Variants in SPOCK3 observed in about 807,000 individuals in gnomAD.
SPOCK3 encodes the protein testican-3.
A neutral mutation model predicts 56.6 loss-of-function variants in SPOCK3; 30 were observed. That is an observed-to-expected ratio of 0.53 (90% CI 0.40 to 0.72). SPOCK3 has a LOEUF of 0.72. Among genes scored for constraint, SPOCK3 ranks in the 30% least tolerant of loss-of-function variants. The pLI, the probability that SPOCK3 is intolerant of heterozygous loss-of-function variation, is 0.00. For missense variants in SPOCK3, 527 were observed against 530.0 expected, an observed-to-expected ratio of 0.99 and a Z score of 0.06; for synonymous variants, 196 against 183.3, an observed-to-expected ratio of 1.07 and a Z score of -0.56.
intron 4 of SPOCK3, among the ~76,000 whole-genome samples, chr4:166,930,309 T>C (rs183757783): frequency 6.6e-6 from 1 of 152,312 alleles, no homozygotes; most frequent in Non-Finnish European, 1.5e-5. Context: ...AATACATGTT[T>C]ACATATATAA....
chr4:166,749,863 A>G (rs11937180), intron 8 of SPOCK3, among the ~76,000 whole-genome samples: 120,062 of 151,968 alleles, frequency 0.79, 47,687 homozygotes, highest in South Asian at 0.82. Context: ...TATGACATTT[A>G]AGAACTAAGA....
intron 3 of SPOCK3, among the ~76,000 whole-genome samples, chr4:167,007,773 C>T (rs888197260): frequency 3.9e-5 from 6 of 152,174 alleles, no homozygotes; most frequent in African/African-American, 1.2e-4. Context: ...TTCAATAGAA[C>T]CTCTAAGAGC....
chr4:166,992,308 C>T (rs866796480), intron 4 of SPOCK3, among the ~76,000 whole-genome samples: 8 of 151,922 alleles, frequency 5.3e-5, no homozygotes, highest in Non-Finnish European at 7.4e-5. Flanking sequence ...TTTTCATAAG[C>T]GTTAAATTTT....
intron 3 of SPOCK3, among the ~76,000 whole-genome samples, chr4:167,055,758 C>T (rs958060246): frequency 3.9e-5 from 6 of 152,176 alleles, no homozygotes; most frequent in East Asian, 1.9e-4. Flanking sequence ...GGAGGGAGCC[C>T]GCCATTGCCC....
chr4:167,106,536 G>GA (rs1290957053), intron 2 of SPOCK3, among the ~76,000 whole-genome samples: 1 of 151,344 alleles, frequency 6.6e-6, no homozygotes, highest in East Asian at 1.9e-4. Context: ...CAAAAACTAA[G>GA]AAAAATGTCA....
At chr4:166,894,209 T>C (rs1735096641) in intron 5 of SPOCK3, among the ~76,000 whole-genome samples, 2 of 152,044 alleles carry the variant, frequency 1.3e-5, no homozygotes, top group African/African-American at 4.8e-5. Flanking sequence ...GAAACTTGAC[T>C]TCGAAAAACT....
intron 4 of SPOCK3, among the ~76,000 whole-genome samples, chr4:166,956,220 T>TACACAC (rs70957803): frequency 0.029 from 4,291 of 149,704 alleles, 181 homozygotes; most frequent in African/African-American, 0.098. Flanking sequence ...ACCACACACA[T>TACACAC]ACACACACAC....
intron 4 of SPOCK3, among the ~76,000 whole-genome samples, chr4:166,970,966 G>T (rs954071247): frequency 6.6e-6 from 1 of 152,106 alleles, no homozygotes; most frequent in Non-Finnish European, 1.5e-5. Flanking sequence ...GTACTCAAGG[G>T]ATCCTCTCAT....
intron 2 of SPOCK3, among the ~76,000 whole-genome samples, chr4:167,129,734 C>A (rs1394321798): frequency 6.6e-6 from 1 of 151,962 alleles, no homozygotes; most frequent in Non-Finnish European, 1.5e-5. Flanking sequence ...AATTTAGAAG[C>A]TTGTATTTCA....
chr4:166,769,723 A>G (rs559474664), intron 7 of SPOCK3, among the ~76,000 whole-genome samples: 2 of 152,314 alleles, frequency 1.3e-5, no homozygotes, highest in Admixed American at 1.3e-4. Flanking sequence ...GCTGTCAGAC[A>G]GGGACATTTA....
intron 4 of SPOCK3, among the ~76,000 whole-genome samples, chr4:166,952,368 C>T (rs531627474): frequency 6.6e-6 from 1 of 152,032 alleles, no homozygotes; most frequent in East Asian, 1.9e-4. Context: ...TAGGAATCCA[C>T]CTTACAAGGG....
intron 2 of SPOCK3, among the ~76,000 whole-genome samples, chr4:167,148,734 T>C (rs557352531): frequency 5.9e-5 from 9 of 152,260 alleles, no homozygotes; most frequent in African/African-American, 2.2e-4. Flanking sequence ...ATTTTGAAAT[T>C]ATTTAACAAA....
chr4:166,992,911 C>T (rs1231536970), intron 4 of SPOCK3, among the ~76,000 whole-genome samples: 3 of 152,056 alleles, frequency 2.0e-5, no homozygotes, highest in African/African-American at 7.2e-5. Flanking sequence ...TGAAGGAATT[C>T]CTTCTGTTCA....
intron 9 of SPOCK3, among the ~76,000 whole-genome samples, chr4:166,739,083 G>C (rs372115214): frequency 1.3e-5 from 2 of 151,980 alleles, no homozygotes; most frequent in East Asian, 3.9e-4. Context: ...TACAGTCCCA[G>C]CAACAGTGTA....
intron 2 of SPOCK3, among the ~76,000 whole-genome samples, chr4:167,144,897 A>G (rs1163646481): frequency 1.3e-5 from 2 of 151,906 alleles, no homozygotes; most frequent in Admixed American, 1.3e-4. Context: ...AATGAGACAG[A>G]GAACCATTGG....
At position 167,176,674 on chromosome 4, in the gene SPOCK3, C is replaced by T. The variant is rs116748286; in HGVS notation, c.189+57311G>A. On this transcript the variant is annotated intron_variant, in intron 2 of 10. Coordinates refer to ENST00000357545, the MANE Select transcript of SPOCK3 (RefSeq NM_001040159.2). ...CCCATTCAGTCTAGTCTACTAAACACGGAGCAGCAGCACCTAGATAATGAG... is the reference window on the plus strand; with the variant it reads ...CCCATTCAGTCTAGTCTACTAAACATGGAGCAGCAGCACCTAGATAATGAG... 9.7e-4 allele frequency among the ~76,000 whole-genome samples: 147 copies of T among 152,060 alleles called. 1 individual carries two copies. The highest frequency in any genetic ancestry group is 3.3e-3 in the African/African-American group (137 of 41,472).
intron 4 of SPOCK3, among the ~76,000 whole-genome samples, chr4:166,940,604 GTAA>G (rs2150014586): frequency 6.6e-6 from 1 of 151,622 alleles, no homozygotes; most frequent in Non-Finnish European, 1.5e-5. Flanking sequence ...TTTGCTCATT[GTAA>G]TAATAAAAAA....
intron 6 of SPOCK3, among the ~76,000 whole-genome samples, chr4:166,813,398 C>T (rs908022130): frequency 1.4e-4 from 21 of 151,926 alleles, no homozygotes; most frequent in Non-Finnish European, 1.3e-4. Context: ...CCTGAAGTGA[C>T]ATCCATGCAT....
At chr4:166,919,667 C>A (rs1007653622) in intron 4 of SPOCK3, among the ~76,000 whole-genome samples, 7 of 152,172 alleles carry the variant, frequency 4.6e-5, no homozygotes, top group Non-Finnish European at 1.0e-4. Context: ...GTATATTCAA[C>A]TGCAAATGAT....
Sources: gnomAD v4.1 joint callset for allele counts (sites outside exome capture counted in the v4.1 genomes callset) on GRCh38, gnomAD v4.1.1 for gene constraint, MANE v1.5 for transcripts, NCBI Gene and HGNC (gene_info 2026-07-23, HGNC 2026-07-21) for gene names.